Variants in DCDC1 observed in about 807,000 individuals in gnomAD.
The protein encoded by DCDC1 is doublecortin domain containing 1.
In DCDC1, 200 loss-of-function variants were observed where a neutral mutation model predicts 178.3. The ratio of observed to expected loss-of-function variants is 1.12; its 90% CI spans 1.00 to 1.26. The LOEUF (loss-of-function observed/expected upper bound fraction) is 1.26. Among genes scored for constraint, DCDC1 ranks in the 50% most tolerant of loss-of-function variants. DCDC1 has a pLI of 0.00. For missense variants in DCDC1, 1,983 were observed against 1,749.2 expected, an observed-to-expected ratio of 1.13 and a Z score of -2.38; for synonymous variants, 690 against 604.8, an observed-to-expected ratio of 1.14 and a Z score of -2.07.
At chr11:31,131,903 TA>T (rs1210099876) in intron 10 of DCDC1, among the ~76,000 whole-genome samples, 1 of 152,256 alleles carries the variant, frequency 6.6e-6, no homozygotes, top group African/African-American at 2.4e-5. Flanking sequence ...TGACTGGTTT[TA>T]CTGTCACAAT....
intron 1 of DCDC1, among the ~76,000 whole-genome samples, chr11:31,349,073 A>G (rs1160858043): frequency 6.6e-6 from 1 of 152,128 alleles, no homozygotes; most frequent in East Asian, 1.9e-4. Context: ...CCAGACTCAA[A>G]TAAGTTATGT....
chr11:31,116,750 A>G (rs1960025128), intron 11 of DCDC1, among the ~76,000 whole-genome samples: 1 of 152,130 alleles, frequency 6.6e-6, no homozygotes, highest in African/African-American at 2.4e-5. Flanking sequence ...TATGTCTTTA[A>G]ATATTATTTA....
rs369751159 is a variant in DCDC1 at position 31,043,794 on chromosome 11, T to TTG, written c.2591+20673_2591+20674dup. 6.6e-5 allele frequency among the ~76,000 whole-genome samples: 10 copies of TTG among 151,542 alleles called. No homozygotes were observed. The East Asian group carries it at 9.7e-4, about 15-fold the overall frequency. Reference sequence around the variant, plus strand: ...GCTGAGCCGGTAATTTTGATTTGTTTTGTGTGTGTGTGTGTTTCTTTTTGT... The same window carrying TTG: ...GCTGAGCCGGTAATTTTGATTTGTTTTGTGTGTGTGTGTGTGTTTCTTTTTGT... On this transcript the variant is annotated intron_variant, in intron 20 of 38. Transcript: ENST00000684477.
chr11:31,270,406 C>A (rs1945470416), intron 7 of DCDC1, among the ~76,000 whole-genome samples: 1 of 152,278 alleles, frequency 6.6e-6, no homozygotes, highest in Non-Finnish European at 1.5e-5. Context: ...CTTGCAAAAC[C>A]AAAATTATTT....
chr11:30,998,186 G>A (rs1423687684), intron 20 of DCDC1, among the ~76,000 whole-genome samples: 1 of 152,110 alleles, frequency 6.6e-6, no homozygotes, highest in East Asian at 1.9e-4. Context: ...TAGCTACTCA[G>A]GGGGCTGAGA....
intron 28 of DCDC1, among the ~76,000 whole-genome samples, chr11:30,910,946 G>A (rs999634902): frequency 2.6e-5 from 4 of 152,112 alleles, no homozygotes; most frequent in African/African-American, 4.8e-5. Flanking sequence ...CTTTATAAAC[G>A]GGAGCCTTGC....
At position 30,892,899 on chromosome 11, in the gene DCDC1, G is replaced by A. The variant is rs1284145808; in HGVS notation, c.5001C>T (p.Pro1667=). ...GATAAATCCACACTCGTTTTGTGTT[G>A]GGCTGCTTATACAGGTTGCTCGGCT... ...AVKPSNLYKQ[P]NTKRVWIYLN... Residue 1667 remains proline, a synonymous_variant, in exon 36 of 39, where the codon CCC becomes CCT. Coordinates refer to ENST00000684477, the MANE Select transcript of DCDC1 (RefSeq NM_001387274.1). The A allele has an allele frequency of 1.9e-6, 3 of 1,613,882 alleles. No individual in the cohort carries two copies. The highest frequency in any genetic ancestry group is 2.5e-6 in the Non-Finnish European group (3 of 1,179,834).
intron 1 of DCDC1, among the ~76,000 whole-genome samples, chr11:31,366,243 A>G (rs1018378745): frequency 6.6e-6 from 1 of 152,210 alleles, no homozygotes; most frequent in Non-Finnish European, 1.5e-5. Flanking sequence ...AACATAGTTT[A>G]TATTTCCACT....
chr11:31,087,502 C>T (rs1311975537), intron 17 of DCDC1, among the ~76,000 whole-genome samples: 1 of 151,960 alleles, frequency 6.6e-6, no homozygotes, highest in East Asian at 1.9e-4. Context: ...CTCTGAAAAC[C>T]TCGGCAGTGT....
intron 3 of DCDC1, among the ~76,000 whole-genome samples, chr11:31,314,887 AT>A (rs1948979629): frequency 6.6e-6 from 1 of 152,182 alleles, no homozygotes; most frequent in East Asian, 1.9e-4. Flanking sequence ...ACATGGTGGA[AT>A]TTACAACCCT....
At chr11:31,268,976 A>G (rs1047191616) in intron 7 of DCDC1, among the ~76,000 whole-genome samples, 8 of 152,210 alleles carry the variant, frequency 5.3e-5, no homozygotes, top group African/African-American at 1.7e-4. Context: ...CATCAGTAAA[A>G]ATGTCTGTGC....
chr11:31,197,251 T>A (rs1262128759), intron 9 of DCDC1, among the ~76,000 whole-genome samples: 1 of 152,110 alleles, frequency 6.6e-6, no homozygotes, highest in African/African-American at 2.4e-5. Flanking sequence ...AAAAAGTCCA[T>A]AAAATATACT....
At chr11:30,900,022 T>G (rs533157246) in intron 33 of DCDC1, among the ~76,000 whole-genome samples, 12 of 152,238 alleles carry the variant, frequency 7.9e-5, no homozygotes, top group African/African-American at 2.9e-4. Flanking sequence ...CAGGTCGTCC[T>G]CAGTGTGAAT....
At chr11:30,912,671 A>G (rs1364170888) in intron 27 of DCDC1, among the ~76,000 whole-genome samples, 1 of 152,162 alleles carries the variant, frequency 6.6e-6, no homozygotes, top group Non-Finnish European at 1.5e-5. Flanking sequence ...CACCAGCAAA[A>G]CTGCTCTGCA....
intron 7 of DCDC1, among the ~76,000 whole-genome samples, chr11:31,284,376 C>T (rs1187157455): frequency 6.6e-6 from 1 of 152,074 alleles, no homozygotes; most frequent in East Asian, 1.9e-4. Flanking sequence ...GTCTAAGTTT[C>T]AGTTTTTTGA....
intron 38 of DCDC1, among the ~76,000 whole-genome samples, chr11:30,877,729 G>A (rs891989056): frequency 5.9e-5 from 9 of 152,064 alleles, no homozygotes; most frequent in African/African-American, 1.9e-4. Flanking sequence ...GAAGAAGAAA[G>A]CATTGATTTG....
intron 1 of DCDC1, among the ~76,000 whole-genome samples, chr11:31,341,483 A>G (rs896839489): frequency 2.0e-5 from 3 of 152,120 alleles, no homozygotes; most frequent in East Asian, 1.9e-4. Flanking sequence ...GAAACCCACC[A>G]TTAGGTGATT....
chr11:30,881,707 C>G (rs774056323), intron 36 of DCDC1, among the ~76,000 whole-genome samples: 1 of 152,156 alleles, frequency 6.6e-6, no homozygotes, highest in South Asian at 2.1e-4. Flanking sequence ...CTCTTTGTTA[C>G]TTCAGACAGG....
At chr11:31,066,052 A>G (rs1388734477) in intron 18 of DCDC1, among the ~76,000 whole-genome samples, 1 of 152,322 alleles carries the variant, frequency 6.6e-6, no homozygotes, top group East Asian at 1.9e-4. Flanking sequence ...ATTCAGGCTA[A>G]TATGACCCTT....
Sources: allele counts gnomAD v4.1 joint callset (sites outside exome capture counted in the v4.1 genomes callset), GRCh38; gene constraint gnomAD v4.1.1; transcripts MANE v1.5; gene names NCBI Gene and HGNC (gene_info 2026-07-23, HGNC 2026-07-21).